KCNH5: variants seen among roughly 807,000 people sequenced by gnomAD.
The protein encoded by KCNH5 is voltage-gated delayed rectifier potassium channel KCNH5.
In KCNH5, 46 loss-of-function variants were observed where a neutral mutation model predicts 96.1. The ratio of observed to expected loss-of-function variants is 0.48; its 90% CI spans 0.38 to 0.61. KCNH5 has a LOEUF of 0.61. KCNH5 is among the 20% of genes least tolerant of loss of function. The probability of loss-of-function intolerance (pLI) is 0.00; values close to 1 mark genes in which losing one functional copy is unlikely to be tolerated. For missense variants in KCNH5, 907 were observed against 1,225.8 expected (o/e 0.74, Z 3.88); for synonymous variants, 439 against 449.8 (o/e 0.98, Z 0.30).
At chr14:62,868,713 T>C (rs1163499494) in intron 7 of KCNH5, among the ~76,000 whole-genome samples, 2 of 152,052 alleles carry the variant, frequency 1.3e-5, no homozygotes, top group East Asian at 1.9e-4. Flanking sequence ...CAGGCCCTGG[T>C]GTGTGATGTT....
intron 10 of KCNH5, among the ~76,000 whole-genome samples, chr14:62,720,379 G>A (rs1032159557): frequency 6.7e-6 from 1 of 149,480 alleles, no homozygotes; most frequent in Non-Finnish European, 1.5e-5. Flanking sequence ...TAGAAGAAGA[G>A]ATACTAATTA....
Position 62,840,566 on chromosome 14 carries a change from C to CTT in KCNH5, c.1569+9085_1569+9086dup, listed in dbSNP as rs71120238. ...TTTGTTTTTCTTTTTTCTTTTTTTTCTTTTTTTTTTTTTTTTTTTTTTTGA... is the reference window on the plus strand; with the variant it reads ...TTTGTTTTTCTTTTTTCTTTTTTTTCTTTTTTTTTTTTTTTTTTTTTTTTTGA... On this transcript the variant is annotated intron_variant, in intron 8 of 10. Coordinates refer to ENST00000322893, the MANE Select transcript of KCNH5 (RefSeq NM_139318.5). 6.2e-3 allele frequency among the ~76,000 whole-genome samples: 474 copies of CTT among 76,392 alleles called. 8 individuals are homozygous for CTT. The highest frequency in any genetic ancestry group is 8.7e-3 in the Non-Finnish European group (383 of 43,894). The allele number at this position is 76,392 out of a possible 152,430, so 50.1% of individuals were successfully genotyped here.
intron 9 of KCNH5, among the ~76,000 whole-genome samples, chr14:62,787,482 T>C (rs2139984447): frequency 6.6e-6 from 1 of 152,358 alleles, no homozygotes; most frequent in East Asian, 1.9e-4. Flanking sequence ...ATGTAGAAGC[T>C]GCAGCAAGTT....
intron 7 of KCNH5, among the ~76,000 whole-genome samples, chr14:62,906,680 C>G (rs563728879): frequency 5.3e-4 from 81 of 152,290 alleles, no homozygotes; most frequent in African/African-American, 1.8e-3. Context: ...CTACTCTTCA[C>G]ATGTAAGGGT....
chr14:62,755,615 AAAGATGCATCG>A (rs1885604899), intron 10 of KCNH5, among the ~76,000 whole-genome samples: 1 of 152,210 alleles, frequency 6.6e-6, no homozygotes, highest in African/African-American at 2.4e-5. Flanking sequence ...AAAACCAAAC[AAAGATGCATCG>A]AAAAAAGAAA....
At chr14:62,935,960 A>T (rs1889671878) in intron 7 of KCNH5, among the ~76,000 whole-genome samples, 1 of 152,324 alleles carries the variant, frequency 6.6e-6, no homozygotes, top group African/African-American at 2.4e-5. Context: ...CCAATATCAC[A>T]GTTTTCAATA....
chr14:62,970,172 A>G (rs936703557), intron 6 of KCNH5, among the ~76,000 whole-genome samples: 102 of 152,114 alleles, frequency 6.7e-4, no homozygotes, highest in African/African-American at 2.2e-3. Flanking sequence ...TACAAATTCC[A>G]TGAATACTAA....
At chr14:62,780,857 A>C (rs1886196478) in intron 9 of KCNH5, among the ~76,000 whole-genome samples, 1 of 152,134 alleles carries the variant, frequency 6.6e-6, no homozygotes, top group African/African-American at 2.4e-5. Context: ...TGAAAGGAAA[A>C]GTTTTAAAGT....
At chr14:62,986,191 C>G (rs1301455433) in intron 5 of KCNH5, among the ~76,000 whole-genome samples, 1 of 152,156 alleles carries the variant, frequency 6.6e-6, no homozygotes, top group Non-Finnish European at 1.5e-5. Flanking sequence ...AGTTTTTAAT[C>G]ATTTTGTGCC....
chr14:62,750,321 C>A (rs578200000), intron 10 of KCNH5, among the ~76,000 whole-genome samples: 1 of 152,326 alleles, frequency 6.6e-6, no homozygotes, highest in Non-Finnish European at 1.5e-5. Flanking sequence ...AGTCATGCAA[C>A]TACTTAACTG....
chr14:62,995,972 G>T (rs1247903895), intron 4 of KCNH5, among the ~76,000 whole-genome samples: 3 of 152,002 alleles, frequency 2.0e-5, no homozygotes, highest in Non-Finnish European at 2.9e-5. Context: ...ACAGGCTCAG[G>T]TTAAGTAACT....
At chr14:62,709,433 C>A (rs1884522944) in intron 10 of KCNH5, among the ~76,000 whole-genome samples, 1 of 151,960 alleles carries the variant, frequency 6.6e-6, no homozygotes. Flanking sequence ...GAGGTAACAC[C>A]AGCTTAGTAC....
chr14:62,736,838 T>C (rs1270579298), intron 10 of KCNH5, among the ~76,000 whole-genome samples: 1 of 152,238 alleles, frequency 6.6e-6, no homozygotes, highest in African/African-American at 2.4e-5. Context: ...TCTCTTTCTT[T>C]AACTCTTACG....
chr14:62,845,444 AATAG>A (rs140398922), intron 8 of KCNH5, among the ~76,000 whole-genome samples: 4,288 of 152,324 alleles, frequency 0.028, 93 homozygotes, highest in South Asian at 0.057. Context: ...TATAAACATA[AATAG>A]ATAGGTAGAT....
At chr14:62,786,452 T>C (rs1487795236) in intron 9 of KCNH5, among the ~76,000 whole-genome samples, 3 of 152,146 alleles carry the variant, frequency 2.0e-5, no homozygotes. Flanking sequence ...CACATAAAGA[T>C]AGTAAAATCA....
chr14:62,709,201 C>T (rs562776053), intron 10 of KCNH5, among the ~76,000 whole-genome samples: 4 of 131,524 alleles, frequency 3.0e-5, no homozygotes, highest in South Asian at 5.6e-4. Flanking sequence ...CCACAGCACT[C>T]CCGCCTGGGC....
chr14:63,033,711 C>T (rs1332161887), intron 1 of KCNH5, among the ~76,000 whole-genome samples: 2 of 150,792 alleles, frequency 1.3e-5, no homozygotes, highest in Non-Finnish European at 2.9e-5. Flanking sequence ...TAAAGTCATA[C>T]AGTCAGTCAA....
In KCNH5 at chr14:62,926,963, C is replaced by T. The variant is rs111514607; in HGVS notation, c.1369+23170G>A. 2.0e-3 allele frequency among the ~76,000 whole-genome samples: 299 copies of T among 152,066 alleles called. 2 individuals carry two copies. Among genetic ancestry groups the T allele is most frequent in the African/African-American group, 6.9e-3 (286 of 41,494 alleles). ...TTTCACACAGAATGACAGATTATAA[C>T]GAGCAGAATGTGGATTATAAGCACT... On this transcript the variant is annotated intron_variant, in intron 7 of 10. Transcript: ENST00000322893.
chr14:62,886,886 A>G (rs1888609132), intron 7 of KCNH5, among the ~76,000 whole-genome samples: 1 of 152,232 alleles, frequency 6.6e-6, no homozygotes, highest in African/African-American at 2.4e-5. Context: ...ATTTAATAAT[A>G]GAATATTTAG....
Sources: gnomAD v4.1 joint callset for allele counts (sites outside exome capture counted in the v4.1 genomes callset) on GRCh38, gnomAD v4.1.1 for gene constraint, MANE v1.5 for transcripts, NCBI Gene and HGNC (gene_info 2026-07-23, HGNC 2026-07-21) for gene names.